Variants in EGFLAM observed in about 807,000 individuals in gnomAD.
EGFLAM encodes the protein EGF like, fibronectin type III and laminin G domains.
EGFLAM carries 79 observed loss-of-function variants against 113.1 expected under a neutral mutation model. The observed-to-expected ratio is 0.70, with a 90% CI of 0.58 to 0.84. The LOEUF is 0.84. Ranked by LOEUF, EGFLAM falls within the 40% of genes least tolerant of loss-of-function variation. The pLI is 0.00. For missense variants in EGFLAM, 1,265 were observed against 1,291.6 expected (o/e 0.98, Z 0.32); for synonymous variants, 504 against 487.6 (o/e 1.03, Z -0.44).
At chr5:38,435,943 G>A (rs531352249) in intron 16 of EGFLAM, among the ~76,000 whole-genome samples, 2 of 148,864 alleles carry the variant, frequency 1.3e-5, no homozygotes, top group African/African-American at 2.5e-5. Context: ...TTAGCCTCCC[G>A]AATAGCTGGG....
chr5:38,347,626 T>C (rs903638363), intron 3 of EGFLAM, among the ~76,000 whole-genome samples: 1 of 152,066 alleles, frequency 6.6e-6, no homozygotes, highest in African/African-American at 2.4e-5. Flanking sequence ...CCCAGAGGCA[T>C]TGAATGGCAT....
chr5:38,348,715 A>G (rs1173099379), intron 3 of EGFLAM, among the ~76,000 whole-genome samples: 1 of 152,046 alleles, frequency 6.6e-6, no homozygotes, highest in Admixed American at 6.5e-5. Context: ...GGGTGCAGGT[A>G]TGGTAGGGAA....
intron 3 of EGFLAM, among the ~76,000 whole-genome samples, chr5:38,344,987 T>C (rs1339100683): frequency 3.3e-5 from 5 of 152,168 alleles, no homozygotes; most frequent in Non-Finnish European, 1.5e-5. Context: ...AAGGAGAGAA[T>C]GGATACTGAG....
At chr5:38,278,634 G>T (rs1757944062) in intron 1 of EGFLAM, among the ~76,000 whole-genome samples, 1 of 151,998 alleles carries the variant, frequency 6.6e-6, no homozygotes, top group South Asian at 2.1e-4. Context: ...GATTACAGGT[G>T]CATACCACCA....
At chr5:38,452,082 G>A (rs1367516884) in intron 19 of EGFLAM, among the ~76,000 whole-genome samples, 2 of 148,328 alleles carry the variant, frequency 1.3e-5, no homozygotes, top group East Asian at 4.0e-4. Context: ...TGTCGCCCAG[G>A]CCAGAGTGCA....
At chr5:38,277,044 A>G (rs1014515563) in intron 1 of EGFLAM, among the ~76,000 whole-genome samples, 1 of 152,184 alleles carries the variant, frequency 6.6e-6, no homozygotes, top group Admixed American at 6.5e-5. Flanking sequence ...AGAGGAGGGA[A>G]TACTTCCAAA....
chr5:38,297,924 C>A (rs897271447), intron 1 of EGFLAM, among the ~76,000 whole-genome samples: 11 of 152,222 alleles, frequency 7.2e-5, no homozygotes, highest in Non-Finnish European at 1.6e-4. Flanking sequence ...CAGCTGGGAT[C>A]CACTCCCCAT....
In EGFLAM at chr5:38,292,762, G is replaced by A. The variant is rs377713196; in HGVS notation, c.97+33911G>A. On this transcript the variant is annotated intron_variant, in intron 1 of 21. Transcript: ENST00000322350. ...TGGGTGGCATGTGTGATTAATCAAGGAGAACTTTCTGGAGGAGTTAAATTT... is the reference window on the plus strand; with the variant it reads ...TGGGTGGCATGTGTGATTAATCAAGAAGAACTTTCTGGAGGAGTTAAATTT... Among the ~76,000 whole-genome samples, 19 of 152,278 alleles carry A rather than the reference G, an allele frequency of 1.2e-4. 1 individual carries two copies. In the East Asian group the frequency reaches 2.5e-3, roughly 20 times the overall value.
At chr5:38,391,795 C>T (rs56032502) in intron 6 of EGFLAM, among the ~76,000 whole-genome samples, 4,173 of 151,502 alleles carry the variant, frequency 0.028, 88 homozygotes, top group Middle Eastern at 0.044. Context: ...CTTTTTTTTG[C>T]AGACACAGTT....
intron 12 of EGFLAM, among the ~76,000 whole-genome samples, chr5:38,422,133 C>T (rs1231445460): frequency 6.6e-6 from 1 of 152,052 alleles, no homozygotes; most frequent in Admixed American, 6.5e-5. Flanking sequence ...TTAAGGAACT[C>T]CACCCCATGA....
chr5:38,367,424 T>C (rs749394358), intron 5 of EGFLAM, among the ~76,000 whole-genome samples: 2 of 150,948 alleles, frequency 1.3e-5, no homozygotes, highest in Non-Finnish European at 3.0e-5. Context: ...TTTTTTTTTA[T>C]TAAACATAGT....
At chr5:38,285,070 T>C (rs1006799687) in intron 1 of EGFLAM, among the ~76,000 whole-genome samples, 1 of 152,210 alleles carries the variant, frequency 6.6e-6, no homozygotes, top group Non-Finnish European at 1.5e-5. Context: ...ATTTGTTAGT[T>C]GATTGTAGAA....
chr5:38,338,478 C>T (rs1739243863), intron 2 of EGFLAM, among the ~76,000 whole-genome samples: 1 of 152,224 alleles, frequency 6.6e-6, no homozygotes, highest in African/African-American at 2.4e-5. Context: ...CTGCATTTCA[C>T]TTCATTGATA....
At chr5:38,333,993 A>G (rs1210711314) in intron 1 of EGFLAM, among the ~76,000 whole-genome samples, 20 of 125,660 alleles carry the variant, frequency 1.6e-4, no homozygotes. Flanking sequence ...GTGAGATCTC[A>G]TCTCATTGCA....
chr5:38,392,630 G>T (rs570167581), intron 6 of EGFLAM, among the ~76,000 whole-genome samples: 8,261 of 109,610 alleles, frequency 0.075, 281 homozygotes, highest in African/African-American at 0.16. Flanking sequence ...CTTTTTTTTT[G>T]GGGGGGCGGT....
In EGFLAM at chr5:38,425,151, C is replaced by A. The variant is rs1480654733; in HGVS notation, c.1810+59C>A. Reference sequence around the variant, plus strand: ...CTGCATGTTAATTTGTGTAGATGTACTTTATCATCAATATAGTTTCTTTGT... The same window carrying A: ...CTGCATGTTAATTTGTGTAGATGTAATTTATCATCAATATAGTTTCTTTGT... On this transcript the variant is annotated intron_variant, in intron 13 of 21. Coordinates refer to ENST00000322350, the MANE Select transcript of EGFLAM (RefSeq NM_152403.4). 3.2e-6 allele frequency: 5 copies of A among 1,576,742 alleles called. No individual in the cohort carries two copies. In the Admixed American group the frequency reaches 5.4e-5, roughly 17 times the overall value.
At chr5:38,264,056 G>A (rs753077988) in intron 1 of EGFLAM, among the ~76,000 whole-genome samples, 1 of 152,204 alleles carries the variant, frequency 6.6e-6, no homozygotes, top group South Asian at 2.1e-4. Flanking sequence ...GCTGACAGCC[G>A]TGGCATGTCT....
chr5:38,454,058 C>A (rs1666791866), intron 19 of EGFLAM, among the ~76,000 whole-genome samples: 1 of 152,152 alleles, frequency 6.6e-6, no homozygotes. Flanking sequence ...ACTGCTGAAC[C>A]CAGGCCGAGG....
intron 3 of EGFLAM, among the ~76,000 whole-genome samples, chr5:38,348,674 C>T (rs988770230): frequency 1.3e-5 from 2 of 152,128 alleles, no homozygotes; most frequent in Non-Finnish European, 2.9e-5. Flanking sequence ...AAGAGAACTT[C>T]AAGGAGGTTG....
Sources: allele counts gnomAD v4.1 joint callset (sites outside exome capture counted in the v4.1 genomes callset), GRCh38; gene constraint gnomAD v4.1.1; transcripts MANE v1.5; gene names NCBI Gene and HGNC (gene_info 2026-07-23, HGNC 2026-07-21).